Variants in MTUS2 observed in about 807,000 individuals in gnomAD.
MTUS2 encodes microtubule-associated tumor suppressor candidate 2.
Under a neutral mutation model 114.1 loss-of-function variants are expected in MTUS2, and 40 were observed. The ratio of observed to expected loss-of-function variants is 0.35; its 90% CI spans 0.27 to 0.46. The LOEUF is 0.46. Among genes scored for constraint, MTUS2 ranks in the 20% least tolerant of loss-of-function variants. MTUS2 has a pLI of 1.00. For missense variants in MTUS2, 1,679 were observed against 1,705.4 expected (o/e 0.98, Z 0.27); for synonymous variants, 688 against 672.0 (o/e 1.02, Z -0.37).
intron 8 of MTUS2, among the ~76,000 whole-genome samples, chr13:29,384,900 C>T (rs1872530314): frequency 6.6e-6 from 1 of 152,206 alleles, no homozygotes; most frequent in African/African-American, 2.4e-5. Context: ...TGCTGGTGGC[C>T]TAAAAACACC....
intron 6 of MTUS2, among the ~76,000 whole-genome samples, chr13:29,299,593 A>G (rs1308514485): frequency 3.3e-5 from 5 of 152,312 alleles, no homozygotes; most frequent in South Asian, 4.1e-4. Flanking sequence ...GTGCAGAGAC[A>G]TAACATAGTG....
At chr13:29,210,297 T>C (rs1315628896) in intron 5 of MTUS2, among the ~76,000 whole-genome samples, 2 of 152,126 alleles carry the variant, frequency 1.3e-5, no homozygotes, top group African/African-American at 4.8e-5. Flanking sequence ...TATTTATTTA[T>C]GCTATGTATT....
intron 11 of MTUS2, among the ~76,000 whole-genome samples, chr13:29,488,501 T>A (rs1178661818): frequency 7.0e-6 from 1 of 142,442 alleles, no homozygotes; most frequent in East Asian, 2.1e-4. Flanking sequence ...AGTGCAGTGG[T>A]GCGATCTCAG....
intron 2 of MTUS2, among the ~76,000 whole-genome samples, chr13:28,999,303 G>T (rs566109203): frequency 1.3e-5 from 2 of 152,140 alleles, no homozygotes; most frequent in African/African-American, 4.8e-5. Context: ...CGCCCCTACT[G>T]GGGGGTTCCT....
intron 2 of MTUS2, among the ~76,000 whole-genome samples, chr13:28,911,453 C>T (rs926857308): frequency 1.2e-4 from 19 of 152,040 alleles, no homozygotes; most frequent in African/African-American, 3.4e-4. Flanking sequence ...GGATTACAGG[C>T]GTGAGCCACC....
At chr13:29,008,009 A>T (rs1163762861) in intron 2 of MTUS2, among the ~76,000 whole-genome samples, 1 of 152,168 alleles carries the variant, frequency 6.6e-6, no homozygotes, top group Non-Finnish European at 1.5e-5. Flanking sequence ...TACCATGATG[A>T]TCGGTTTCTT....
chr13:29,147,476 G>A (rs1292004469), intron 5 of MTUS2, among the ~76,000 whole-genome samples: 1 of 152,078 alleles, frequency 6.6e-6, no homozygotes, highest in Non-Finnish European at 1.5e-5. Context: ...ACATGTACAG[G>A]TTTGTTACAT....
chr13:28,915,856 C>G (rs1880716312), intron 2 of MTUS2, among the ~76,000 whole-genome samples: 1 of 151,806 alleles, frequency 6.6e-6, no homozygotes, highest in Non-Finnish European at 1.5e-5. Context: ...GGTTATTACT[C>G]AAGAAATTTT....
intron 2 of MTUS2, among the ~76,000 whole-genome samples, chr13:28,986,174 G>A (rs751895171): frequency 6.6e-6 from 1 of 152,004 alleles, no homozygotes; most frequent in South Asian, 2.1e-4. Context: ...GGAGGATGGG[G>A]GCAGGAAGGA....
chr13:29,431,015 G>A (rs549622602), intron 8 of MTUS2, among the ~76,000 whole-genome samples: 1 of 152,220 alleles, frequency 6.6e-6, no homozygotes, highest in East Asian at 1.9e-4. Flanking sequence ...ACTTCATATA[G>A]ATCAAAATAG....
At chr13:29,455,657 T>G (rs1456853875) in intron 9 of MTUS2, among the ~76,000 whole-genome samples, 1 of 152,066 alleles carries the variant, frequency 6.6e-6, no homozygotes. Flanking sequence ...GAAGCAAGGC[T>G]ATAATCAAGG....
At chr13:28,992,343 T>C (rs1360760046) in intron 2 of MTUS2, among the ~76,000 whole-genome samples, 8 of 152,136 alleles carry the variant, frequency 5.3e-5, no homozygotes, top group Non-Finnish European at 1.2e-4. Flanking sequence ...CAAGTTGATA[T>C]TAGTGTTTGG....
intron 4 of MTUS2, among the ~76,000 whole-genome samples, chr13:29,082,441 A>G (rs1420572634): frequency 6.6e-6 from 1 of 152,226 alleles, no homozygotes; most frequent in Non-Finnish European, 1.5e-5. Context: ...TGTAAAATGT[A>G]TGAACTCCCA....
chr13:28,857,736 A>G (rs1009768282), intron 2 of MTUS2, among the ~76,000 whole-genome samples: 5 of 152,224 alleles, frequency 3.3e-5, no homozygotes, highest in African/African-American at 1.2e-4. Context: ...AAACAAATCA[A>G]GGTCAGGAGA....
chr13:29,164,833 G>T (rs1593546518), intron 5 of MTUS2, among the ~76,000 whole-genome samples: 1 of 152,244 alleles, frequency 6.6e-6, no homozygotes, highest in Middle Eastern at 3.4e-3. Context: ...AAAATCAGAT[G>T]CTCTACTATT....
At chr13:29,438,583 A>C (rs997743363) in intron 8 of MTUS2, among the ~76,000 whole-genome samples, 9 of 152,124 alleles carry the variant, frequency 5.9e-5, no homozygotes, top group African/African-American at 2.2e-4. Flanking sequence ...CTCCACCCTC[A>C]TGACCTGATC....
At chr13:29,389,354 TATATGTATGCAC>T (rs1566172564) in intron 8 of MTUS2, among the ~76,000 whole-genome samples, 1 of 85,274 alleles carries the variant, frequency 1.2e-5, no homozygotes, top group Non-Finnish European at 2.4e-5. Context: ...CGTGTGTGTA[TATATGTATGCAC>T]GTGTGTGTAT....
intron 7 of MTUS2, among the ~76,000 whole-genome samples, chr13:29,345,783 T>A (rs1566144422): frequency 6.6e-6 from 1 of 152,166 alleles, no homozygotes; most frequent in Admixed American, 6.5e-5. Flanking sequence ...TTGGGTAGCC[T>A]ATGTCAGAGG....
intron 5 of MTUS2, 90 bp from the exon 6 acceptor site, chr13:29,281,614 C>T (rs1045565738): frequency 1.2e-5 from 17 of 1,361,452 alleles, no homozygotes; most frequent in Non-Finnish European, 1.6e-5. Flanking sequence ...AAGCAGATGA[C>T]GGCAGTAGGA....
Sources: gnomAD v4.1 joint callset for allele counts (sites outside exome capture counted in the v4.1 genomes callset) on GRCh38, gnomAD v4.1.1 for gene constraint, MANE v1.5 for transcripts, NCBI Gene and HGNC (gene_info 2026-07-23, HGNC 2026-07-21) for gene names.